The following THBS4 variants were observed in gnomAD, a reference collection of about 807,000 sequenced individuals.
THBS4 encodes thrombospondin 4.
THBS4 carries 90 observed loss-of-function variants against 115.7 expected under a neutral mutation model. The observed-to-expected ratio is 0.78, with a 90% CI of 0.66 to 0.93. The LOEUF is 0.93. THBS4 is among the 40% of genes least tolerant of loss of function. The pLI is 0.00. For synonymous variants in THBS4, 460 were observed against 479.3 expected (o/e 0.96, Z 0.53); for missense variants, 1,087 against 1,232.7 (o/e 0.88, Z 1.77).
chr5:80,021,127 G>A (rs1380704718), intron 2 of THBS4, among the ~76,000 whole-genome samples: 4 of 152,124 alleles, frequency 2.6e-5, no homozygotes, highest in African/African-American at 9.7e-5. Context: ...ATCTTCAACC[G>A]AGAAACAGTT....
chr5:80,039,461 GT>G (rs1408002470), intron 1 of THBS4, among the ~76,000 whole-genome samples: 1 of 152,164 alleles, frequency 6.6e-6, no homozygotes, highest in Non-Finnish European at 1.5e-5. Flanking sequence ...ACATCATTTT[GT>G]TTTGTTTTGT....
chr5:80,012,511 C>A (rs1488657591), intron 2 of THBS4, among the ~76,000 whole-genome samples: 1 of 152,174 alleles, frequency 6.6e-6, no homozygotes, highest in Non-Finnish European at 1.5e-5. Context: ...TGTCTGACTT[C>A]TCAAATGGCT....
intron 2 of THBS4, among the ~76,000 whole-genome samples, chr5:80,050,102 C>G (rs1321003235): frequency 6.6e-6 from 1 of 152,158 alleles, no homozygotes; most frequent in Non-Finnish European, 1.5e-5. Context: ...TGAGTGAAAA[C>G]CAAGGATGTG....
intron 2 of THBS4, among the ~76,000 whole-genome samples, chr5:80,006,656 C>T (rs1832025129): frequency 6.6e-6 from 1 of 152,198 alleles, no homozygotes; most frequent in African/African-American, 2.4e-5. Context: ...CAACATCACC[C>T]TGCTGGCAGT....
At chr5:80,052,226 A>G (rs913334756) in intron 2 of THBS4, 2 of 152,170 alleles carry the variant, frequency 1.3e-5, no homozygotes, top group African/African-American at 4.8e-5. Flanking sequence ...TATGGTTCTA[A>G]TTTCCAGCTG....
At chr5:79,996,029 C>G (rs550649919) in intron 1 of THBS4, among the ~76,000 whole-genome samples, 44 of 151,836 alleles carry the variant, frequency 2.9e-4, no homozygotes, top group African/African-American at 1.0e-3. Flanking sequence ...CCCAGCTACT[C>G]AGGAGGCTGA....
Position 80,058,317 on chromosome 5 carries a change from G to A in THBS4, c.649+3G>A, listed in dbSNP as rs1180974028. On this transcript the variant is annotated splice_donor_region_variant and intron_variant, in intron 4 of 21. Coordinates refer to ENST00000350881, the MANE Select transcript of THBS4 (RefSeq NM_003248.6). Reference sequence around the variant, plus strand: ...GCCACTGGCTGCCACAGGCACAGGTGTGGGCTCTTGGGCAGTTTGCATGCC... The same window carrying A: ...GCCACTGGCTGCCACAGGCACAGGTATGGGCTCTTGGGCAGTTTGCATGCC... 3 of 1,554,796 alleles carry A rather than the reference G, an allele frequency of 1.9e-6. No homozygotes were observed. Among genetic ancestry groups the A allele is most frequent in the Non-Finnish European group, 1.7e-6 (2 of 1,148,454 alleles).
chr5:80,021,955 C>A (rs552214218), intron 2 of THBS4, among the ~76,000 whole-genome samples: 1 of 152,110 alleles, frequency 6.6e-6, no homozygotes, highest in Non-Finnish European at 1.5e-5. Flanking sequence ...CAGCCAAAAT[C>A]GGGAGAGGCA....
chr5:80,076,576 G>A (rs1009972994), intron 15 of THBS4, among the ~76,000 whole-genome samples: 2 of 152,132 alleles, frequency 1.3e-5, no homozygotes, highest in African/African-American at 4.8e-5. Flanking sequence ...GCAGTTCCCA[G>A]GGACTGACTG....
rs1340151379 is a variant in THBS4 at position 80,035,383 on chromosome 5, C to A, written c.-155C>A. 5.6e-5 allele frequency: 16 copies of A among 285,562 alleles called. 1 individual carries two copies. Among genetic ancestry groups the A allele is most frequent in the Non-Finnish European group, 9.6e-5 (16 of 167,260 alleles). The allele number at this position is 285,562 out of a possible 1,614,324, so 17.7% of individuals were successfully genotyped here. On this transcript the variant is annotated 5_prime_UTR_variant, in exon 1 of 22. Coordinates refer to ENST00000350881, the MANE Select transcript of THBS4 (RefSeq NM_003248.6). This position sits in a 1 kb window ranked among gnomAD's most constrained non-coding sequence, Gnocchi z 4.6. ...TCCCCAGCACCGCACGGCGGGGACG[C>A]GAGCGCGCCCCCGACGGCAGCCCGG...
intron 4 of THBS4, among the ~76,000 whole-genome samples, 171 bp downstream of exon 4, chr5:80,058,485 T>C (rs1231665165): frequency 6.6e-6 from 1 of 152,248 alleles, no homozygotes; most frequent in Non-Finnish European, 1.5e-5. Context: ...ATTTTCATTA[T>C]GCTTTTATTT....
chr5:80,030,575 G>A (rs1371931437), upstream of THBS4, among the ~76,000 whole-genome samples: 1 of 152,024 alleles, frequency 6.6e-6, no homozygotes, highest in Non-Finnish European at 1.5e-5. Flanking sequence ...CACCATGTTG[G>A]CCAGGCTGGT....
intron 20 of THBS4, 148 bp from the exon 21 acceptor site, chr5:80,082,258 G>C: frequency 9.3e-7 from 1 of 1,071,576 alleles, no homozygotes; most frequent in East Asian, 2.4e-5. Flanking sequence ...AACAGCTACA[G>C]TACAATCCAG....
In THBS4 at chr5:80,026,545, G is replaced by C. The variant is rs552663146; in HGVS notation, n.178-13532G>C. On this transcript the variant is annotated intron_variant and non_coding_transcript_variant, in intron 2 of 3. Coordinates refer to the THBS4 transcript ENST00000510218. ...TCTGAGCCCTTCGCAGGCCACATGG[G>C]CTCTGTTACAACTACTCAACTGTGC... Among the ~76,000 whole-genome samples the C allele has an allele frequency of 2.6e-5, 4 of 152,316 alleles. No individual in the cohort carries two copies. The South Asian group carries it at 8.3e-4, about 32-fold the overall frequency.
At chr5:80,047,442 A>T (rs1833105527) in intron 2 of THBS4, among the ~76,000 whole-genome samples, 1 of 152,154 alleles carries the variant, frequency 6.6e-6, no homozygotes, top group Non-Finnish European at 1.5e-5. Context: ...ATTTAAGTAG[A>T]AAAGTTAAAG....
At chr5:80,082,341 C>A (rs533238619) in intron 20 of THBS4, 65 bp from the exon 21 acceptor site, 1 of 1,594,996 alleles carries the variant, frequency 6.3e-7, no homozygotes, top group African/African-American at 1.3e-5. Flanking sequence ...GCCCCTGGGC[C>A]TCACAGTGGG....
intron 2 of THBS4, chr5:80,053,139 T>C (rs1833305296): frequency 1.3e-5 from 2 of 152,180 alleles, no homozygotes; most frequent in African/African-American, 4.8e-5. Flanking sequence ...TAGGTATGTA[T>C]GTATACATAT....
chr5:80,012,109 C>A (rs1036535521), intron 2 of THBS4, among the ~76,000 whole-genome samples: 2 of 151,550 alleles, frequency 1.3e-5, no homozygotes, highest in African/African-American at 4.8e-5. Context: ...TCCATGTGTA[C>A]CCCTGAACCT....
intron 2 of THBS4, among the ~76,000 whole-genome samples, chr5:80,053,488 G>A (rs1489071253): frequency 2.0e-5 from 3 of 151,764 alleles, no homozygotes; most frequent in Non-Finnish European, 2.9e-5. Flanking sequence ...CCTAGAAGTG[G>A]CAATGCTGGG....
Sources: allele counts gnomAD v4.1 joint callset (sites outside exome capture counted in the v4.1 genomes callset), GRCh38; gene constraint gnomAD v4.1.1; non-coding constraint Gnocchi (gnomAD v3.1); transcripts MANE v1.5; gene names NCBI Gene and HGNC (gene_info 2026-07-23, HGNC 2026-07-21).